Variants in SPON1 observed in about 807,000 individuals in gnomAD.
The protein encoded by SPON1 is spondin 1, also known as spondin-1.
SPON1 carries 52 observed loss-of-function variants against 111.7 expected under a neutral mutation model. The ratio of observed to expected loss-of-function variants is 0.47; its 90% confidence interval spans 0.37 to 0.59. The LOEUF is 0.59. SPON1 is among the 20% of genes least tolerant of loss of function. SPON1 has a pLI of 0.00. For synonymous variants in SPON1, 410 were observed against 395.8 expected, an observed-to-expected ratio of 1.04 and a Z score of -0.43; for missense variants, 957 against 1,068.5, an observed-to-expected ratio of 0.90 and a Z score of 1.46.
chr11:13,998,819 G>A (rs1554912116), intron 2 of SPON1, among the ~76,000 whole-genome samples: 1 of 152,176 alleles, frequency 6.6e-6, no homozygotes. Context: ...AACTAGCATT[G>A]TTTCCACATC....
intron 1 of SPON1, among the ~76,000 whole-genome samples, chr11:13,981,065 A>G (rs1848140216): frequency 6.6e-6 from 1 of 152,212 alleles, no homozygotes; most frequent in Non-Finnish European, 1.5e-5. Context: ...CTCAATTTAC[A>G]TCAATTTAAA....
In SPON1 at chr11:14,205,023, C is replaced by T. The variant is rs7949933; in HGVS notation, c.826-38309C>T. Reference sequence around the variant, plus strand: ...TTCTTTATCCTGTCTTCCTCTTAGACGTTCCCCAGCACACCCAGATAATCC... The same window carrying T: ...TTCTTTATCCTGTCTTCCTCTTAGATGTTCCCCAGCACACCCAGATAATCC... On this transcript the variant is annotated intron_variant, in intron 6 of 15. Transcript: ENST00000576479. Among the ~76,000 whole-genome samples the T allele has an allele frequency of 6.6e-5, 10 of 151,974 alleles. 1 individual carries two copies. The highest frequency in any genetic ancestry group is 1.2e-4 in the African/African-American group (5 of 41,356).
chr11:14,160,176 AT>A (rs1281626136), intron 6 of SPON1, among the ~76,000 whole-genome samples: 1 of 150,222 alleles, frequency 6.7e-6, no homozygotes, highest in Non-Finnish European at 1.5e-5. Context: ...CACCCACAAA[AT>A]TTTTTTAAAT....
intron 6 of SPON1, among the ~76,000 whole-genome samples, chr11:14,162,441 A>G (rs1308959901): frequency 6.6e-6 from 1 of 152,220 alleles, no homozygotes; most frequent in Non-Finnish European, 1.5e-5. Flanking sequence ...GTGTACCTTC[A>G]ATCAGAAATA....
intron 6 of SPON1, among the ~76,000 whole-genome samples, chr11:14,198,081 A>T (rs1183400618): frequency 1.3e-4 from 20 of 152,266 alleles, no homozygotes; most frequent in Admixed American, 1.3e-3. Flanking sequence ...TACCCACACC[A>T]TCTAGACGAT....
rs1256084587 is a variant in SPON1 at position 14,259,812 on chromosome 11, G to A, written c.1831+111G>A. On this transcript the variant is annotated intron_variant, in intron 13 of 15. Transcript: ENST00000576479. The surrounding 1 kb of genome is among the most constrained non-coding windows in gnomAD (Gnocchi z 5.0). ...TCGGAGGCTGAGCAGAGGAAAGCAT[G>A]GCCCATGGTCCTTGCTGGGCACTGC... The A allele has an allele frequency of 1.1e-5, 14 of 1,248,804 alleles. No homozygotes were observed. The African/African-American group carries it at 1.5e-4, about 13-fold the overall frequency. The allele number at this position is 1,248,804 out of a possible 1,614,324, so 77.4% of individuals were successfully genotyped here.
intron 6 of SPON1, among the ~76,000 whole-genome samples, chr11:14,195,295 G>A (rs782484030): frequency 6.6e-6 from 1 of 152,124 alleles, no homozygotes; most frequent in Non-Finnish European, 1.5e-5. Context: ...TCATAAATAA[G>A]CTCAAAGATA....
At chr11:14,066,869 C>G (rs530348883) in intron 3 of SPON1, among the ~76,000 whole-genome samples, 39 of 152,218 alleles carry the variant, frequency 2.6e-4, no homozygotes, top group African/African-American at 9.2e-4. Flanking sequence ...GCATCCCTGC[C>G]CCTCACTCCC....
chr11:13,998,624 A>G (rs782252285), intron 2 of SPON1, among the ~76,000 whole-genome samples: 14 of 152,236 alleles, frequency 9.2e-5, no homozygotes, highest in Non-Finnish European at 1.8e-4. Context: ...GCAAAGAGGC[A>G]GACAACTGGG....
intron 6 of SPON1, among the ~76,000 whole-genome samples, chr11:14,226,226 A>G (rs1400592630): frequency 1.3e-5 from 2 of 152,234 alleles, no homozygotes; most frequent in Non-Finnish European, 2.9e-5. Flanking sequence ...TCGGACTTGA[A>G]TAGGAATGCC....
At chr11:14,000,508 C>T (rs1591346269) in intron 2 of SPON1, among the ~76,000 whole-genome samples, 1 of 152,298 alleles carries the variant, frequency 6.6e-6, no homozygotes, top group Non-Finnish European at 1.5e-5. Context: ...ATAATAGGGC[C>T]TGGCACATAA....
Position 14,242,502 on chromosome 11 carries a change from C to A in SPON1, c.826-830C>A, listed in dbSNP as rs150238416. Among the ~76,000 whole-genome samples, 441 of 152,128 alleles carry A rather than the reference C, an allele frequency of 2.9e-3. 4 individuals are homozygous for A. The highest frequency in any genetic ancestry group is 0.01 in the African/African-American group (420 of 41,416). On this transcript the variant is annotated intron_variant, in intron 6 of 15. Transcript: ENST00000576479. Reference sequence around the variant, plus strand: ...CCAGCTGACTCCACTCTAGGGAAAGCCCCCCACCAGAGCTGAACTTGGACC... The same window carrying A: ...CCAGCTGACTCCACTCTAGGGAAAGACCCCCACCAGAGCTGAACTTGGACC...
intron 6 of SPON1, among the ~76,000 whole-genome samples, chr11:14,162,769 C>A (rs1487169993): frequency 4.6e-5 from 7 of 152,196 alleles, no homozygotes; most frequent in Non-Finnish European, 7.3e-5. Context: ...AGAACAAACA[C>A]AACTTACTCT....
intron 1 of SPON1, 151 bp from the exon 2 acceptor site, chr11:13,982,696 C>A (rs555309830): frequency 8.1e-6 from 5 of 617,480 alleles, no homozygotes; most frequent in African/African-American, 3.7e-5. Flanking sequence ...GGTAAGAGTT[C>A]TCACCTCAAT....
intron 2 of SPON1, among the ~76,000 whole-genome samples, chr11:13,990,600 T>C (rs185615061): frequency 6.6e-6 from 1 of 152,088 alleles, no homozygotes; most frequent in Non-Finnish European, 1.5e-5. Flanking sequence ...ATGTGTCAAT[T>C]TGATCCTGTC....
chr11:14,243,662 CTG>C (rs1459824763), intron 7 of SPON1, among the ~76,000 whole-genome samples: 28 of 152,314 alleles, frequency 1.8e-4, no homozygotes, highest in African/African-American at 5.5e-4. Flanking sequence ...GGATGATTAA[CTG>C]TTCTGTGTTC....
At chr11:14,224,788 G>A (rs781834128) in intron 6 of SPON1, 7 of 486,930 alleles carry the variant, frequency 1.4e-5, no homozygotes, top group Non-Finnish European at 2.4e-5. Flanking sequence ...TGGGGCCAAA[G>A]GGTGAGCCCT....
intron 2 of SPON1, among the ~76,000 whole-genome samples, chr11:14,018,612 G>A (rs1287002074): frequency 2.0e-5 from 3 of 152,214 alleles, no homozygotes; most frequent in African/African-American, 7.2e-5. Context: ...ACTGCAGTAT[G>A]ATAAGGCCAG....
At chr11:14,145,618 G>A (rs1196538018) in intron 6 of SPON1, among the ~76,000 whole-genome samples, 2 of 152,054 alleles carry the variant, frequency 1.3e-5, no homozygotes, top group East Asian at 3.8e-4. Context: ...AGGAGTGTTA[G>A]GTATATTCAC....
Sources: allele counts gnomAD v4.1 joint callset (sites outside exome capture counted in the v4.1 genomes callset), GRCh38; gene constraint gnomAD v4.1.1; non-coding constraint Gnocchi (gnomAD v3.1); transcripts MANE v1.5; gene names NCBI Gene and HGNC (gene_info 2026-07-23, HGNC 2026-07-21).